HNRNPH1: variants seen among roughly 807,000 people sequenced by gnomAD.
HNRNPH1 encodes the protein heterogeneous nuclear ribonucleoprotein H1, also known as heterogeneous nuclear ribonucleoprotein H.
HNRNPH1 carries 4 observed loss-of-function variants against 58.6 expected under a neutral mutation model. The ratio of observed to expected loss-of-function variants is 0.07; its 90% CI spans 0.03 to 0.16. HNRNPH1 has a LOEUF of 0.16. Among genes scored for constraint, HNRNPH1 ranks in the 10% least tolerant of loss-of-function variants. The probability of loss-of-function intolerance (pLI) is 1.00; values close to 1 mark genes in which losing one functional copy is unlikely to be tolerated. For synonymous variants in HNRNPH1, 192 were observed against 189.2 expected (o/e 1.01, Z -0.12); for missense variants, 271 against 564.2 (o/e 0.48, Z 5.26).
chr5:179,623,253 G>A (rs1242333053), exon 1 of HNRNPH1: 4 of 631,784 alleles, frequency 6.3e-6, no homozygotes, highest in African/African-American at 1.9e-5. Flanking sequence ...GCCCCCCCAC[G>A]GAGCAAAAAC....
At chr5:179,624,413 T>G in exon 1 of HNRNPH1, 2 of 397,574 alleles carry the variant, frequency 5.0e-6, no homozygotes, top group Non-Finnish European at 8.9e-6. Context: ...TCGCACCCTG[T>G]GTACCCCTTG....
At chr5:179,621,915 C>A in intron 1 of HNRNPH1, 1 of 456,158 alleles carries the variant, frequency 2.2e-6, no homozygotes, top group Non-Finnish European at 4.4e-6. Context: ...AGTGTTGCCC[C>A]CTGCAAGGCG....
chr5:179,619,974 G>C (rs985797852), intron 3 of HNRNPH1: 1 of 152,166 alleles, frequency 6.6e-6, no homozygotes, highest in Non-Finnish European at 1.5e-5. Context: ...TGGAAATTCC[G>C]TCTATGAAAA....
exon 13 of HNRNPH1, chr5:179,614,806 A>T: frequency 1.5e-5 from 11 of 738,300 alleles, no homozygotes; most frequent in Non-Finnish European, 2.1e-5. Context: ...AAAAAAAAAA[A>T]GGTTGACCAA....
chr5:179,622,996 C>CGGCCTCGA (rs762344351), intron 1 of HNRNPH1, 41 bp downstream of exon 2: 1 of 902,304 alleles, frequency 1.1e-6, no homozygotes, highest in Non-Finnish European at 1.5e-6. Context: ...CCGCCCGCCC[C>CGGCCTCGA]GGCCTCGAAC....
intron 1 of HNRNPH1, 31 bp downstream of exon 2, chr5:179,623,006 C>G (rs751709244): frequency 9.0e-7 from 1 of 1,115,682 alleles, no homozygotes; most frequent in Admixed American, 2.4e-5. Context: ...CGGCCTCGAA[C>G]TCGAACTCCC....
intron 3 of HNRNPH1, 56 bp downstream of exon 4, chr5:179,620,835 TC>T: frequency 6.5e-7 from 1 of 1,533,912 alleles, no homozygotes; most frequent in East Asian, 2.3e-5. Flanking sequence ...GTCTATTAAA[TC>T]ACCTTGCCAT....
chr5:179,617,424 C>G lies in HNRNPH1; in HGVS notation c.1057+90G>C. 4.2e-6 allele frequency: 6 copies of G among 1,413,064 alleles called. No individual in the cohort carries two copies. The South Asian group carries it at 7.9e-5, about 19-fold the overall frequency. The allele number at this position is 1,413,064 out of a possible 1,614,324, so 87.5% of individuals were successfully genotyped here. On this transcript the variant is annotated intron_variant, in intron 8 of 12. Coordinates refer to ENST00000356731, the Ensembl canonical transcript of HNRNPH1. ...TAATCTATTACTGGAGAGGAAACTT[C>G]TCATATATCCTTATTTTTCCATTTC...
upstream of HNRNPH1, among the ~76,000 whole-genome samples, chr5:179,625,956 T>A: frequency 6.6e-6 from 1 of 150,700 alleles, no homozygotes; most frequent in South Asian, 2.1e-4. Flanking sequence ...TATTTATTTA[T>A]TTATTTATTT....
upstream of HNRNPH1, among the ~76,000 whole-genome samples, chr5:179,626,427 T>C (rs2127731999): frequency 6.6e-6 from 1 of 151,120 alleles, no homozygotes; most frequent in Admixed American, 6.6e-5. Flanking sequence ...AAATAAAAAG[T>C]TAATCATCAG....
At chr5:179,629,595 C>T (rs886920824), upstream of HNRNPH1, among the ~76,000 whole-genome samples, 4 of 151,466 alleles carry the variant, frequency 2.6e-5, no homozygotes, top group South Asian at 4.2e-4. Context: ...AGAATTTGTT[C>T]GTAGTAGTAC....
intron 2 of HNRNPH1, among the ~76,000 whole-genome samples, chr5:179,632,028 CG>C: frequency 6.6e-6 from 1 of 150,472 alleles, no homozygotes; most frequent in Non-Finnish European, 1.5e-5. Context: ...GCGTCTCGGC[CG>C]GGCGCGGCGG....
At chr5:179,621,581 T>C in intron 1 of HNRNPH1, 184 bp from the exon 3 acceptor site, 1 of 593,338 alleles carries the variant, frequency 1.7e-6, no homozygotes, top group Non-Finnish European at 3.0e-6. Flanking sequence ...ATTCCTAAGG[T>C]GATATATTTC....
chr5:179,616,189 T>C, exon 11 of HNRNPH1: 3 of 1,614,226 alleles, frequency 1.9e-6, no homozygotes, highest in Non-Finnish European at 2.5e-6. Context: ...AGCTGCTGGC[T>C]GGCTGGGCCC....
chr5:179,618,334 G>A lies in HNRNPH1; in HGVS notation c.537-11C>T. 1 of 1,590,246 alleles carries A rather than the reference G, an allele frequency of 6.3e-7. No individual in the cohort carries two copies. Among genetic ancestry groups the A allele is most frequent in the Admixed American group, 1.8e-5 (1 of 56,218 alleles). On this transcript the variant is annotated splice_polypyrimidine_tract_variant and intron_variant, in intron 4 of 12. Transcript: ENST00000356731. Reference sequence around the variant, plus strand: ...AAGATTTCAATATACCTAAAGCATTGTTCATAAGGAAGGGGTAGGGAGGGG... The same window carrying A: ...AAGATTTCAATATACCTAAAGCATTATTCATAAGGAAGGGGTAGGGAGGGG...
upstream of HNRNPH1, among the ~76,000 whole-genome samples, chr5:179,628,465 T>C (rs1774559048): frequency 6.6e-6 from 1 of 152,168 alleles, no homozygotes; most frequent in Non-Finnish European, 1.5e-5. Context: ...GCGATTCTCC[T>C]ACCTCAGCCT....
chr5:179,626,322 C>T (rs1383192292), upstream of HNRNPH1, among the ~76,000 whole-genome samples: 1 of 151,896 alleles, frequency 6.6e-6, no homozygotes, highest in Non-Finnish European at 1.5e-5. Context: ...CCAGGCTGGT[C>T]TGGAACTCCT....
exon 8 of HNRNPH1, chr5:179,617,572 G>C (rs928066091): frequency 2.5e-6 from 4 of 1,613,916 alleles, no homozygotes; most frequent in South Asian, 1.1e-5. Flanking sequence ...TTGCGAACTC[G>C]ACATCTGCTT....
chr5:179,615,654 A>C (rs1769163660), intron 11 of HNRNPH1, 59 bp from the exon 13 acceptor site: 1 of 860,612 alleles, frequency 1.2e-6, no homozygotes, highest in Non-Finnish European at 1.9e-6. Flanking sequence ...CTTTAGACCA[A>C]TTGAAAAAAA....
Sources: gnomAD v4.1 joint callset for allele counts (sites outside exome capture counted in the v4.1 genomes callset) on GRCh38, gnomAD v4.1.1 for gene constraint, MANE v1.5 for transcripts, NCBI Gene and HGNC (gene_info 2026-07-23, HGNC 2026-07-21) for gene names.